The following CERS6 variants were observed in gnomAD, a reference collection of about 807,000 sequenced individuals.
The protein encoded by CERS6 is ceramide synthase 6, also known as LAG1 homolog, ceramide synthase 6.
In CERS6, 26 loss-of-function variants were observed where a neutral mutation model predicts 56.8. The observed-to-expected ratio is 0.46, with a 90% CI of 0.34 to 0.63. The LOEUF is 0.63. CERS6 is among the 30% of genes least tolerant of loss of function. The pLI, the probability that CERS6 is intolerant of heterozygous loss-of-function variation, is 0.01. For missense variants in CERS6, 415 were observed against 467.5 expected, an observed-to-expected ratio of 0.89 and a Z score of 1.04; for synonymous variants, 164 against 173.3, an observed-to-expected ratio of 0.95 and a Z score of 0.42.
intron 3 of CERS6, among the ~76,000 whole-genome samples, chr2:168,576,182 C>G (rs1328767834): frequency 6.6e-6 from 1 of 152,134 alleles, no homozygotes; most frequent in African/African-American, 2.4e-5. Context: ...TACCCCCATT[C>G]TCTTTTTCCC....
rs896297787 is a variant in CERS6, at chr2:168,517,543, A to T, written c.171-30053A>T. ...TAAATAATAAAATAAAATAAACATT[A>T]AAAAAAAAGTAAAAACAAGTGGATG... On this transcript the variant is annotated intron_variant, in intron 1 of 9. Coordinates refer to ENST00000305747, the MANE Select transcript of CERS6 (RefSeq NM_203463.3). Among the ~76,000 whole-genome samples the T allele has an allele frequency of 2.0e-5, 3 of 150,084 alleles. No homozygotes were observed. The Admixed American group carries it at 2.0e-4, about 10-fold the overall frequency.
chr2:168,631,747 A>G (rs1347678397), intron 4 of CERS6, among the ~76,000 whole-genome samples: 5 of 120,818 alleles, frequency 4.1e-5, no homozygotes, highest in African/African-American at 1.6e-4. Flanking sequence ...ACATAATTAT[A>G]TATATTTTCA....
At chr2:168,646,918 A>G (rs1212064786) in intron 4 of CERS6, among the ~76,000 whole-genome samples, 2 of 152,056 alleles carry the variant, frequency 1.3e-5, no homozygotes, top group Non-Finnish European at 2.9e-5. Flanking sequence ...GTGCCAGGAT[A>G]TTTTGGTTAC....
chr2:168,514,976 A>G (rs1694859801), intron 1 of CERS6, among the ~76,000 whole-genome samples: 1 of 152,226 alleles, frequency 6.6e-6, no homozygotes, highest in Non-Finnish European at 1.5e-5. Flanking sequence ...AACTTCCACC[A>G]TGATGAGTGG....
At chr2:168,600,212 T>TC (rs1559015214) in intron 3 of CERS6, among the ~76,000 whole-genome samples, 3 of 15,912 alleles carry the variant, frequency 1.9e-4, no homozygotes, top group Non-Finnish European at 5.6e-4. Flanking sequence ...CTCTCTCTCT[T>TC]TTTTTTTTTT....
chr2:168,593,088 T>C (rs1480103784), intron 3 of CERS6, among the ~76,000 whole-genome samples: 1 of 152,208 alleles, frequency 6.6e-6, no homozygotes, highest in Non-Finnish European at 1.5e-5. Context: ...CATAACATCT[T>C]CCAATCTTTT....
rs959888651 is a variant in CERS6 at position 168,771,140 on chromosome 2, T to G, written c.*1478T>G. 6.6e-6 allele frequency: 1 copy of G among 152,178 alleles called. No homozygotes were observed. The highest frequency in any genetic ancestry group is 1.5e-5 in the Non-Finnish European group (1 of 68,046). The allele number at this position is 152,178 out of a possible 1,614,324, so 9.4% of individuals were successfully genotyped here. On this transcript the variant is annotated 3_prime_UTR_variant, in exon 10 of 10. Coordinates refer to ENST00000305747, the MANE Select transcript of CERS6 (RefSeq NM_203463.3). ...AAACAAAAATGCCATAATATAAATG[T>G]GTGAATCAGGGCTGTGAAGACAACA... is the stretch of plus-strand genomic sequence containing the variant.
chr2:168,765,179 G>A (rs1684694336), intron 8 of CERS6, among the ~76,000 whole-genome samples: 2 of 152,180 alleles, frequency 1.3e-5, no homozygotes, highest in African/African-American at 4.8e-5. Flanking sequence ...GAGAATGGTG[G>A]TTGATGCAGG....
At chr2:168,614,514 T>G (rs967374178) in intron 3 of CERS6, among the ~76,000 whole-genome samples, 5 of 152,194 alleles carry the variant, frequency 3.3e-5, no homozygotes, top group African/African-American at 4.8e-5. Flanking sequence ...GGAAACAAAC[T>G]TGGTGCTGTT....
intron 4 of CERS6, among the ~76,000 whole-genome samples, chr2:168,642,113 C>CT (rs35565867): frequency 0.31 from 46,401 of 151,840 alleles, 8,810 homozygotes; most frequent in African/African-American, 0.52. Context: ...TGGCACACAC[C>CT]ATAATCCCAG....
intron 1 of CERS6, among the ~76,000 whole-genome samples, chr2:168,479,791 A>G (rs1694145642): frequency 6.6e-6 from 1 of 152,058 alleles, no homozygotes; most frequent in Admixed American, 6.5e-5. Flanking sequence ...TATTTTCAGT[A>G]GAGACGGGGT....
At chr2:168,666,261 A>T (rs1685758734) in intron 4 of CERS6, among the ~76,000 whole-genome samples, 1 of 152,008 alleles carries the variant, frequency 6.6e-6, no homozygotes, top group Admixed American at 6.6e-5. Flanking sequence ...CCACCATTAC[A>T]CTGTCATGGA....
rs1685663753 is a variant in CERS6, at chr2:168,662,765, GC to G, written c.466-28268del. On this transcript the variant is annotated intron_variant, in intron 4 of 9. Transcript: ENST00000305747. ...CAAACAAACGAGCCCTGGAAAGAAA[GC>G]TAGACCCAGAGAGCTGGGGTCCAGC... 7.2e-5 allele frequency among the ~76,000 whole-genome samples: 11 copies of G among 152,250 alleles called. No homozygotes were observed. In the South Asian group the frequency reaches 1.9e-3, roughly 26 times the overall value.
At chr2:168,660,803 C>T (rs915957144) in intron 4 of CERS6, among the ~76,000 whole-genome samples, 1 of 152,062 alleles carries the variant, frequency 6.6e-6, no homozygotes, top group African/African-American at 2.4e-5. Flanking sequence ...ATTTGTGTCT[C>T]ATTTTTTAAA....
chr2:168,475,534 G>GGTAGCGGAAGACCATAAAT (rs1553483212), intron 1 of CERS6, among the ~76,000 whole-genome samples: 3 of 151,994 alleles, frequency 2.0e-5, no homozygotes, highest in African/African-American at 7.3e-5. Flanking sequence ...GAAATGACAG[G>GGTAGCGGAAGACCATAAAT]GTAGAATCAA....
In CERS6 at chr2:168,473,548, T is replaced by A. The variant is rs924482689; in HGVS notation, c.170+16930T>A. 5.9e-5 allele frequency among the ~76,000 whole-genome samples: 9 copies of A among 152,324 alleles called. No individual in the cohort carries two copies. In the East Asian group the frequency reaches 1.3e-3, roughly 23 times the overall value. On this transcript the variant is annotated intron_variant, in intron 1 of 9. Transcript: ENST00000305747. ...GCATTATTGTGTCAGCAGTAACCGT[T>A]TGTTAGTTTCTAGGGCATTAATTTT...
intron 6 of CERS6, among the ~76,000 whole-genome samples, chr2:168,711,667 G>A (rs1687093419): frequency 6.6e-6 from 1 of 150,450 alleles, no homozygotes; most frequent in African/African-American, 2.4e-5. Flanking sequence ...CCAGGAGACG[G>A]AGGTTGCAGT....
chr2:168,584,739 A>G (rs931135298), intron 3 of CERS6, among the ~76,000 whole-genome samples: 1 of 152,230 alleles, frequency 6.6e-6, no homozygotes, highest in East Asian at 1.9e-4. Context: ...GCAACTTGAT[A>G]TGGAGAATTT....
intron 3 of CERS6, among the ~76,000 whole-genome samples, chr2:168,616,570 C>T (rs192827068): frequency 2.0e-4 from 30 of 152,162 alleles, no homozygotes; most frequent in African/African-American, 7.0e-4. Context: ...ACACCAAAAG[C>T]GAGCAGGAGT....
Sources: gnomAD v4.1 joint callset for allele counts (sites outside exome capture counted in the v4.1 genomes callset) on GRCh38, gnomAD v4.1.1 for gene constraint, MANE v1.5 for transcripts, NCBI Gene and HGNC (gene_info 2026-07-23, HGNC 2026-07-21) for gene names.